NELL1: variants seen among roughly 807,000 people sequenced by gnomAD.
NELL1 encodes protein kinase C-binding protein NELL1.
NELL1 carries 76 observed loss-of-function variants against 107.4 expected under a neutral mutation model. That is an observed-to-expected ratio of 0.71 (90% CI 0.59 to 0.86). NELL1 has a LOEUF of 0.86. Ranked by LOEUF, NELL1 falls within the 40% of genes least tolerant of loss-of-function variation. The pLI, the probability that NELL1 is intolerant of heterozygous loss-of-function variation, is 0.00. For synonymous variants in NELL1, 353 were observed against 341.2 expected, an observed-to-expected ratio of 1.03 and a Z score of -0.38; for missense variants, 1,024 against 1,005.5, an observed-to-expected ratio of 1.02 and a Z score of -0.25.
intron 3 of NELL1, among the ~76,000 whole-genome samples, chr11:20,841,111 T>C (rs1484107909): frequency 6.6e-6 from 1 of 152,182 alleles, no homozygotes; most frequent in Admixed American, 6.5e-5. Flanking sequence ...TTTATTTTTG[T>C]TTACTTCCCA....
At chr11:21,414,403 A>C (rs1169816354) in intron 15 of NELL1, among the ~76,000 whole-genome samples, 1 of 152,068 alleles carries the variant, frequency 6.6e-6, no homozygotes, top group African/African-American at 2.4e-5. Context: ...AAATATTTGC[A>C]TATGTGTATA....
Position 21,570,169 on chromosome 11 carries a change from C to T in NELL1, c.1981-595C>T, listed in dbSNP as rs1056534775. Among the ~76,000 whole-genome samples the T allele has an allele frequency of 7.9e-5, 12 of 151,920 alleles. 1 individual carries two copies. Among genetic ancestry groups the T allele is most frequent in the African/African-American group, 2.9e-4 (12 of 41,478 alleles). ...AGGTGGAAAGAGGCACCTTATTATA[C>T]ACCCCTGTAGTACACAACTTTAAGG... On this transcript the variant is annotated intron_variant, in intron 17 of 19. Coordinates refer to ENST00000357134, the MANE Select transcript of NELL1 (RefSeq NM_006157.5).
intron 4 of NELL1, 112 bp downstream of exon 4, chr11:20,847,865 C>A (rs949241356): frequency 2.8e-5 from 32 of 1,156,756 alleles, no homozygotes; most frequent in Non-Finnish European, 3.4e-5. Flanking sequence ...CACCAAGGGA[C>A]CCTAATTGTA....
intron 14 of NELL1, among the ~76,000 whole-genome samples, chr11:21,245,898 A>C (rs116212378): frequency 0.015 from 2,331 of 152,300 alleles, 65 homozygotes; most frequent in African/African-American, 0.054. Context: ...GTCAATAAAT[A>C]AGGATCCTGC....
chr11:21,012,623 CAAATT>C (rs1377075836), intron 12 of NELL1, among the ~76,000 whole-genome samples: 2 of 152,100 alleles, frequency 1.3e-5, no homozygotes, highest in Non-Finnish European at 2.9e-5. Flanking sequence ...TATTATTACT[CAAATT>C]AACCTCCCTG....
intron 12 of NELL1, among the ~76,000 whole-genome samples, chr11:21,034,775 G>A (rs1297899917): frequency 6.6e-6 from 1 of 152,014 alleles, no homozygotes; most frequent in Non-Finnish European, 1.5e-5. Flanking sequence ...ACCACTAAAT[G>A]CCCACATCAA....
At chr11:21,420,769 G>A (rs1251982895) in intron 15 of NELL1, among the ~76,000 whole-genome samples, 1 of 152,084 alleles carries the variant, frequency 6.6e-6, no homozygotes, top group Admixed American at 6.6e-5. Context: ...AAAAAGCAGG[G>A]TGAGAGTATA....
At chr11:21,267,936 A>C (rs1848667419) in intron 14 of NELL1, among the ~76,000 whole-genome samples, 1 of 152,280 alleles carries the variant, frequency 6.6e-6, no homozygotes, top group South Asian at 2.1e-4. Context: ...CACTTTCAGT[A>C]AATGTGTGTC....
intron 13 of NELL1, among the ~76,000 whole-genome samples, chr11:21,201,038 G>A (rs536107068): frequency 1.3e-5 from 2 of 152,278 alleles, no homozygotes; most frequent in Non-Finnish European, 2.9e-5. Flanking sequence ...CTGTAGCCTT[G>A]TAGTATAGTT....
chr11:20,909,980 TTA>T (rs1380685339), intron 5 of NELL1, among the ~76,000 whole-genome samples: 1 of 152,264 alleles, frequency 6.6e-6, no homozygotes, highest in South Asian at 2.1e-4. Context: ...ACTCAGGGGC[TTA>T]TGTCAGTAAG....
intron 15 of NELL1, among the ~76,000 whole-genome samples, chr11:21,397,956 G>T (rs189798896): frequency 6.6e-6 from 1 of 151,340 alleles, no homozygotes; most frequent in Non-Finnish European, 1.5e-5. Flanking sequence ...CTCTTCTGTC[G>T]CCAGAATTGT....
chr11:21,356,785 G>A (rs1253097713), intron 14 of NELL1, among the ~76,000 whole-genome samples: 1 of 152,104 alleles, frequency 6.6e-6, no homozygotes, highest in Non-Finnish European at 1.5e-5. Context: ...CCAATGTGTA[G>A]TCTTTTATCC....
intron 14 of NELL1, among the ~76,000 whole-genome samples, chr11:21,333,626 C>T (rs1346205523): frequency 6.6e-6 from 1 of 152,012 alleles, no homozygotes; most frequent in Non-Finnish European, 1.5e-5. Context: ...TTTACTGTCA[C>T]CATGGGTTGT....
intron 4 of NELL1, among the ~76,000 whole-genome samples, chr11:20,863,022 A>G (rs1390487924): frequency 3.3e-5 from 5 of 152,178 alleles, no homozygotes; most frequent in Admixed American, 6.5e-5. Flanking sequence ...AGACACAGCA[A>G]CAATCTGATT....
chr11:20,680,310 A>G (rs1489536256), intron 2 of NELL1, among the ~76,000 whole-genome samples: 1 of 152,122 alleles, frequency 6.6e-6, no homozygotes, highest in Non-Finnish European at 1.5e-5. Context: ...TCTGTCCCAC[A>G]TGCAAAATAC....
At chr11:21,255,274 C>A (rs1383768194) in intron 14 of NELL1, among the ~76,000 whole-genome samples, 1 of 152,072 alleles carries the variant, frequency 6.6e-6, no homozygotes, top group Non-Finnish European at 1.5e-5. Context: ...TGTTGATAAC[C>A]TGTGTTCTTT....
At chr11:21,458,123 T>C (rs993797169) in intron 15 of NELL1, among the ~76,000 whole-genome samples, 1 of 152,202 alleles carries the variant, frequency 6.6e-6, no homozygotes, top group Admixed American at 6.5e-5. Context: ...GAGAAAATTA[T>C]TGTTTTTAGT....
chr11:21,490,099 G>A (rs1854761488), intron 15 of NELL1, among the ~76,000 whole-genome samples: 1 of 151,984 alleles, frequency 6.6e-6, no homozygotes, highest in South Asian at 2.1e-4. Context: ...AAAGCTGTAG[G>A]AGAGAAAATT....
intron 14 of NELL1, among the ~76,000 whole-genome samples, chr11:21,350,049 T>C (rs1850770593): frequency 6.6e-6 from 1 of 152,168 alleles, no homozygotes; most frequent in Admixed American, 6.6e-5. Flanking sequence ...TCAGCAGTCA[T>C]GCTTGGGAGG....
Sources: allele counts gnomAD v4.1 joint callset (sites outside exome capture counted in the v4.1 genomes callset), GRCh38; gene constraint gnomAD v4.1.1; transcripts MANE v1.5; gene names NCBI Gene and HGNC (gene_info 2026-07-23, HGNC 2026-07-21).